Variants in POLR1A observed in about 807,000 individuals in gnomAD.
The protein encoded by POLR1A is RNA polymerase I subunit A.
POLR1A carries 84 observed loss-of-function variants against 205.3 expected under a neutral mutation model. The observed-to-expected ratio is 0.41, with a 90% CI of 0.34 to 0.49. POLR1A has a LOEUF of 0.49. Among genes scored for constraint, POLR1A ranks in the 20% least tolerant of loss-of-function variants. The pLI is 0.22. For synonymous variants in POLR1A, 799 were observed against 863.7 expected, an observed-to-expected ratio of 0.93 and a Z score of 1.31; for missense variants, 1,645 against 2,204.5, an observed-to-expected ratio of 0.75 and a Z score of 5.08.
At chr2:86,069,942 G>C in intron 13 of POLR1A, 76 bp downstream of exon 13, 3 of 1,505,476 alleles carry the variant, frequency 2.0e-6, no homozygotes, top group Non-Finnish European at 2.7e-6. Flanking sequence ...ATGACCCCAG[G>C]GGCTGGCAGG....
intron 3 of POLR1A, among the ~76,000 whole-genome samples, chr2:86,096,195 C>G (rs1673700432): frequency 6.6e-6 from 1 of 151,768 alleles, no homozygotes; most frequent in Non-Finnish European, 1.5e-5. Flanking sequence ...ATAATAGCTA[C>G]CAAAAAAATA....
In POLR1A at chr2:86,052,829, C is replaced by T; in HGVS notation, c.2380G>A (p.Gly794Ser). The T allele has an allele frequency of 3.8e-6, 6 of 1,565,860 alleles. No individual in the cohort carries two copies. Among genetic ancestry groups the T allele is most frequent in the South Asian group, 1.2e-5 (1 of 85,294 alleles). Residue 794 changes from glycine to serine, a missense_variant, in exon 16 of 34, where the codon GGC becomes AGC. This residue lies in a region of POLR1A where 339 missense variants were observed against 415.1 expected (regional missense o/e 0.82). Transcript: ENST00000263857. ...LFTAYLQLYRGFTLGVEDILV... is the reference protein window; with the variant it reads ...LFTAYLQLYRSFTLGVEDILV... The stretch of plus-strand genomic sequence containing the variant: ...GCCCGGCACTTACCCAAGGTGAAGC[C>T]TCTGTAGAGCTGCAGGTAGGCGGTG...
chr2:86,087,488 C>T (rs1395749933), intron 6 of POLR1A, among the ~76,000 whole-genome samples: 2 of 152,192 alleles, frequency 1.3e-5, no homozygotes, highest in Non-Finnish European at 2.9e-5. Flanking sequence ...TCAAAACAGC[C>T]TTCTATCTGC....
rs138988313 is a variant in POLR1A at position 86,098,169 on chromosome 2, A to T, written c.432+442T>A. On this transcript the variant is annotated intron_variant, in intron 3 of 33. Coordinates refer to ENST00000263857, the MANE Select transcript of POLR1A (RefSeq NM_015425.6). ...AGGTTGTATTCTTGCCAAAATGTGA[A>T]TCTAATTACAAGAAATAATCGGACA... Among the ~76,000 whole-genome samples, 763 of 152,332 alleles carry T rather than the reference A, an allele frequency of 5.0e-3. 7 individuals carry two copies. Among genetic ancestry groups the T allele is most frequent in the African/African-American group, 0.017 (723 of 41,574 alleles).
chr2:86,071,751 G>C (rs936413573), intron 12 of POLR1A, among the ~76,000 whole-genome samples: 1 of 152,086 alleles, frequency 6.6e-6, no homozygotes, highest in African/African-American at 2.4e-5. Context: ...CGCCTATTAA[G>C]ACACTTACCA....
intron 22 of POLR1A, among the ~76,000 whole-genome samples, chr2:86,043,407 A>G (rs1259440380): frequency 1.3e-5 from 2 of 152,134 alleles, no homozygotes; most frequent in Admixed American, 1.3e-4. Flanking sequence ...TTGGGAACCA[A>G]TGGTCTTGGG....
intron 26 of POLR1A, 49 bp downstream of exon 26, chr2:86,039,278 T>A (rs377139727): frequency 6.2e-7 from 1 of 1,603,562 alleles, no homozygotes; most frequent in Non-Finnish European, 8.5e-7. Flanking sequence ...GGGGAGGATA[T>A]AGGAACATGC....
intron 16 of POLR1A, among the ~76,000 whole-genome samples, chr2:86,051,314 G>C (rs544287438): frequency 4.0e-5 from 6 of 150,608 alleles, no homozygotes; most frequent in African/African-American, 1.2e-4. Flanking sequence ...ACTATTAGTG[G>C]TTATCTCTGA....
rs188038319 is a variant in POLR1A, at chr2:86,023,416, C to T, written c.*4007G>A. 3.3e-5 allele frequency: 5 copies of T among 152,258 alleles called. No individual in the cohort carries two copies. Among genetic ancestry groups the T allele is most frequent in the Admixed American group, 3.3e-4 (5 of 15,284 alleles). The allele number at this position is 152,258 out of a possible 1,614,324, so 9.4% of individuals were successfully genotyped here. On this transcript the variant is annotated 3_prime_UTR_variant, in exon 34 of 34. Transcript: ENST00000263857. ...ACTCTGACAGCCCCTGATTCAGGTGCAAACTAAAAATTTTAAGATTGGCAA... is the reference window on the plus strand; with the variant it reads ...ACTCTGACAGCCCCTGATTCAGGTGTAAACTAAAAATTTTAAGATTGGCAA...
At chr2:86,063,064 G>A (rs146870484) in intron 14 of POLR1A, among the ~76,000 whole-genome samples, 58 of 152,178 alleles carry the variant, frequency 3.8e-4, no homozygotes, top group African/African-American at 9.6e-4. Context: ...GGTTGGGCGC[G>A]GTGGCTCAGG....
At chr2:86,071,291 T>C (rs548714619) in intron 12 of POLR1A, among the ~76,000 whole-genome samples, 10 of 152,048 alleles carry the variant, frequency 6.6e-5, no homozygotes, top group Admixed American at 2.0e-4. Flanking sequence ...GGATCCTCAC[T>C]AGGCTGTACT....
rs145452699 is a variant in POLR1A at position 86,046,294 on chromosome 2, CACAACA to C, written c.2734-531_2734-526del. On this transcript the variant is annotated intron_variant, in intron 19 of 33. Transcript: ENST00000263857. ...CAATTAAAAACAAAACAAAACAAAA[CACAACA>C]ACAACAACAACAAAATGGGAACTCA... Among the ~76,000 whole-genome samples, 1,464 of 152,052 alleles carry C rather than the reference CACAACA, an allele frequency of 9.6e-3. 20 individuals are homozygous for C. Among genetic ancestry groups the C allele is most frequent in the African/African-American group, 0.032 (1,341 of 41,448 alleles).
At chr2:86,037,646 C>T (rs1672524403) in intron 27 of POLR1A, among the ~76,000 whole-genome samples, 1 of 152,248 alleles carries the variant, frequency 6.6e-6, no homozygotes, top group South Asian at 2.1e-4. Context: ...AGATTAGAGG[C>T]AGTGGTCAGT....
chr2:86,043,923 T>A (rs937347665), intron 22 of POLR1A, among the ~76,000 whole-genome samples: 15 of 152,124 alleles, frequency 9.9e-5, no homozygotes, highest in African/African-American at 3.6e-4. Flanking sequence ...ATTCCAGAGG[T>A]GCTCGTGCCC....
intron 14 of POLR1A, 82 bp from the exon 15 acceptor site, chr2:86,054,371 T>TGATGGCAAAA: frequency 1.4e-6 from 2 of 1,463,014 alleles, no homozygotes; most frequent in African/African-American, 1.4e-5. Context: ...AAAAGAAGAG[T>TGATGGCAAAA]TAAGAACTTC....
chr2:86,100,167 A>G lies in POLR1A; in HGVS notation c.83T>C (p.Leu28Ser), dbSNP rs1415984885. The G allele has an allele frequency of 1.9e-6, 3 of 1,612,870 alleles. No homozygotes were observed. Residue 28 changes from leucine to serine, a missense_variant, in exon 2 of 34, where the codon TTA becomes TCA. Around this residue, in one of 16 missense-constraint regions of POLR1A, gnomAD observed 330 missense variants for 375.6 expected, o/e 0.88. Coordinates refer to ENST00000263857, the MANE Select transcript of POLR1A (RefSeq NM_015425.6). ...AGGGTTCGTAATGGATTTAACACTT[A>G]ATTTCCTAAGGGGATAAAAAAGACC... ...GMYSAEELKK[L>S]SVKSITNPRY...
intron 6 of POLR1A, among the ~76,000 whole-genome samples, chr2:86,086,358 T>A (rs1436782406): frequency 6.6e-6 from 1 of 152,222 alleles, no homozygotes; most frequent in Non-Finnish European, 1.5e-5. Flanking sequence ...AGTGCTCGGA[T>A]TACAGGCGTG....
At chr2:86,101,073 T>C (rs1478616991) in intron 1 of POLR1A, among the ~76,000 whole-genome samples, 1 of 152,222 alleles carries the variant, frequency 6.6e-6, no homozygotes, top group Non-Finnish European at 1.5e-5. Flanking sequence ...TTTGACAACA[T>C]TAAACACATT....
chr2:86,051,521 C>A (rs1672802970), intron 16 of POLR1A, among the ~76,000 whole-genome samples: 1 of 152,256 alleles, frequency 6.6e-6, no homozygotes, highest in South Asian at 2.1e-4. Flanking sequence ...TCTGTCTGCA[C>A]ACGAGTGGGT....
Sources: gnomAD v4.1 joint callset for allele counts (sites outside exome capture counted in the v4.1 genomes callset) on GRCh38, gnomAD v4.1.1 for gene constraint, gnomAD v4.1.1 regional missense constraint, MANE v1.5 for transcripts, NCBI Gene and HGNC (gene_info 2026-07-23, HGNC 2026-07-21) for gene names.